The following CERS5 variants were observed in gnomAD, a reference collection of about 807,000 sequenced individuals.
CERS5 encodes LAG1 homolog, ceramide synthase 5.
A neutral mutation model predicts 58.9 loss-of-function variants in CERS5; 37 were observed. The observed-to-expected ratio is 0.63, with a 90% CI of 0.48 to 0.83. The LOEUF (loss-of-function observed/expected upper bound fraction) is 0.83, where lower values mean the gene tolerates loss of function less well. Ranked by LOEUF, CERS5 falls within the 40% of genes least tolerant of loss-of-function variation. The probability of loss-of-function intolerance (pLI) is 0.00; values close to 1 mark genes in which losing one functional copy is unlikely to be tolerated. For synonymous variants in CERS5, 147 were observed against 177.8 expected (o/e 0.83, Z 1.38); for missense variants, 398 against 489.3 (o/e 0.81, Z 1.76).
chr12:50,135,274 GGA>G (rs374654925), intron 8 of CERS5: 9 of 229,460 alleles, frequency 3.9e-5, no homozygotes, highest in South Asian at 3.5e-4. Flanking sequence ...GGGGAGGGAG[GGA>G]GAGAGAGGAG....
chr12:50,167,057 C>T, intron 1 of CERS5, 44 bp downstream of exon 1: 1 of 1,431,498 alleles, frequency 7.0e-7, no homozygotes, highest in Non-Finnish European at 9.2e-7. Flanking sequence ...GGGGCGCCCC[C>T]GGCCCGCGCC....
rs555789784 is a variant in CERS5, at chr12:50,133,255, T to C, written c.1029+1291A>G. On this transcript the variant is annotated intron_variant, in intron 9 of 9. Transcript: ENST00000317551. ...CCTGCTCAAGCAGAGCCCCTCCCAC[T>C]TGGGATTCTGTATTCCTTTAGGCTG... 1.5e-4 allele frequency: 160 copies of C among 1,078,070 alleles called. 1 individual carries two copies. In the South Asian group the frequency reaches 3.4e-3, roughly 23 times the overall value. 66.8% of individuals were successfully genotyped at this position (1,078,070 alleles called of 1,614,324 possible). A position where few individuals can be genotyped will look rare whatever the true frequency, so the allele number is the denominator to read the frequency against.
In CERS5 at chr12:50,136,032, A is replaced by G. The variant is rs779572740; in HGVS notation, c.674T>C (p.Ile225Thr). The change falls in exon 7 of 10, where the codon ATT (isoleucine) becomes ACT (threonine). Residue 225 changes from isoleucine (I) to threonine (T), a missense_variant. Physicochemically the swap from Ile to Thr is moderately conservative, Grantham distance 89 (BLOSUM62 -1). Around this residue, in one of 3 missense-constraint regions of CERS5, gnomAD observed 328 missense variants for 384.5 expected, o/e 0.85. Coordinates refer to ENST00000317551, the MANE Select transcript of CERS5 (RefSeq NM_147190.5). ...LIMFVHHLVT[I>T]GLISFSYINN... ...GATGTAGGAGAAGGAGATAAGCCCA[A>G]TGGTGACCAAGTGATGCACAAACAT... 4.0e-6 allele frequency: 6 copies of G among 1,510,646 alleles called. No homozygotes were observed. Among genetic ancestry groups the G allele is most frequent in the Admixed American group, 2.4e-5 (1 of 42,428 alleles). 93.6% of individuals were successfully genotyped at this position (1,510,646 alleles called of 1,614,324 possible). A position where few individuals can be genotyped will look rare whatever the true frequency, so the allele number is the denominator to read the frequency against.
chr12:50,157,904 A>C (rs1334071733), intron 1 of CERS5, among the ~76,000 whole-genome samples: 1 of 151,982 alleles, frequency 6.6e-6, no homozygotes, highest in Non-Finnish European at 1.5e-5. Flanking sequence ...CCTACAAAAA[A>C]TACAAAAATT....
chr12:50,143,248 C>A, intron 2 of CERS5, 44 bp from the exon 3 acceptor site: 1 of 1,608,582 alleles, frequency 6.2e-7, no homozygotes. Context: ...CTCCTCATAC[C>A]CCTCCTTCAA....
chr12:50,142,204 G>T, intron 3 of CERS5, 94 bp from the exon 4 acceptor site: 2 of 786,034 alleles, frequency 2.5e-6, no homozygotes, highest in Non-Finnish European at 4.3e-6. Context: ...GGGGATAAGA[G>T]TTACTGGTGA....
intron 9 of CERS5, chr12:50,133,114 G>C: frequency 7.8e-7 from 1 of 1,279,300 alleles, no homozygotes; most frequent in South Asian, 1.2e-5. Context: ...AGTAGCTACA[G>C]CAAGATGCAC....
At chr12:50,136,302 G>A (rs1291545565) in intron 6 of CERS5, among the ~76,000 whole-genome samples, 6 of 151,954 alleles carry the variant, frequency 3.9e-5, no homozygotes, top group South Asian at 4.1e-4. Context: ...GGGAAGCCCC[G>A]TCTCTACTAA....
rs764964517 is a variant in CERS5, at chr12:50,143,064, G to T, written c.434+10C>A. The T allele has an allele frequency of 1.1e-5, 18 of 1,595,588 alleles. No homozygotes were observed. The highest frequency in any genetic ancestry group is 1.5e-5 in the Non-Finnish European group (17 of 1,168,550). On this transcript the variant is annotated intron_variant, in intron 3 of 9. Coordinates refer to ENST00000317551, the MANE Select transcript of CERS5 (RefSeq NM_147190.5). ...TTCCTTATTCCCTCCCTCCCTCCTT[G>T]CGTACTTACATGCTTTCACAGAATT...
intron 9 of CERS5, chr12:50,133,359 C>T: frequency 9.5e-7 from 1 of 1,052,222 alleles, no homozygotes; most frequent in African/African-American, 1.6e-5. Context: ...TTAAGTGGCA[C>T]CTTTCTTTCG....
intron 2 of CERS5, 28 bp from the exon 3 acceptor site, chr12:50,143,232 A>ACC: frequency 6.2e-7 from 1 of 1,613,202 alleles, no homozygotes; most frequent in East Asian, 2.2e-5. Flanking sequence ...GAGTCAGAAC[A>ACC]CCCGTCTCCT....
intron 1 of CERS5, among the ~76,000 whole-genome samples, chr12:50,166,863 G>T (rs1939957421): frequency 6.6e-6 from 1 of 152,138 alleles, no homozygotes. Flanking sequence ...ATCTAACATT[G>T]AAGGGGCCCA....
At chr12:50,158,848 T>C (rs751676685) in intron 1 of CERS5, among the ~76,000 whole-genome samples, 17 of 152,122 alleles carry the variant, frequency 1.1e-4, no homozygotes, top group Non-Finnish European at 1.8e-4. Context: ...AAATCTTGTA[T>C]TTTACAGAAG....
chr12:50,159,234 T>C (rs1167637525), intron 1 of CERS5, among the ~76,000 whole-genome samples: 2 of 151,988 alleles, frequency 1.3e-5, no homozygotes, highest in Non-Finnish European at 2.9e-5. Context: ...GGCAGGAGAA[T>C]GGTGTGAACC....
At chr12:50,157,504 A>C (rs917935948) in intron 1 of CERS5, among the ~76,000 whole-genome samples, 1 of 152,014 alleles carries the variant, frequency 6.6e-6, no homozygotes, top group Non-Finnish European at 1.5e-5. Flanking sequence ...TTAGATACCT[A>C]CAGTTTCATG....
intron 1 of CERS5, chr12:50,144,998 CG>C (rs1430505767): frequency 3.4e-4 from 97 of 282,612 alleles, no homozygotes; most frequent in African/African-American, 2.1e-3. Flanking sequence ...ATTATCTGGG[CG>C]TGGTGGTGGG....
intron 9 of CERS5, 144 bp from the exon 10 acceptor site, chr12:50,130,838 G>A: frequency 1.6e-6 from 1 of 616,770 alleles, no homozygotes; most frequent in Non-Finnish European, 2.6e-6. Flanking sequence ...TCTGGACTAT[G>A]GCTACTGTTG....
rs1165133361 is a variant in CERS5 at position 50,147,078 on chromosome 12, T to C, written c.198-3021A>G. Among the ~76,000 whole-genome samples the C allele has an allele frequency of 2.0e-5, 3 of 152,006 alleles. 1 individual carries two copies. Among genetic ancestry groups the C allele is most frequent in the Admixed American group, 1.3e-4 (2 of 15,254 alleles). The stretch of plus-strand genomic sequence containing the variant: ...TTGAGAAAGTATTAATTCTACATCA[T>C]ACAAAAGGTTGGTATTTGGTATAAC... On this transcript the variant is annotated intron_variant, in intron 1 of 9. Coordinates refer to ENST00000317551, the MANE Select transcript of CERS5 (RefSeq NM_147190.5).
intron 1 of CERS5, among the ~76,000 whole-genome samples, chr12:50,162,312 G>A (rs1453908838): frequency 6.6e-6 from 1 of 151,374 alleles, no homozygotes. Flanking sequence ...TAAGGAATAG[G>A]AAAAGATGAA....
Sources: allele counts gnomAD v4.1 joint callset (sites outside exome capture counted in the v4.1 genomes callset), GRCh38; gene constraint gnomAD v4.1.1; regional missense constraint gnomAD v4.1.1; transcripts MANE v1.5; gene names NCBI Gene and HGNC (gene_info 2026-07-23, HGNC 2026-07-21).